RRM2: variants seen among roughly 807,000 people sequenced by gnomAD.
RRM2 encodes the protein ribonucleotide reductase regulatory subunit M2, also known as ribonucleoside-diphosphate reductase subunit M2.
RRM2 carries 6 observed loss-of-function variants against 45.9 expected under a neutral mutation model. The ratio of observed to expected loss-of-function variants is 0.13; its 90% confidence interval spans 0.07 to 0.26. RRM2 has a LOEUF of 0.26. Ranked by LOEUF, RRM2 falls within the 10% of genes least tolerant of loss-of-function variation. The probability of loss-of-function intolerance (pLI) is 1.00; values close to 1 mark genes in which losing one functional copy is unlikely to be tolerated. For synonymous variants in RRM2, 177 were observed against 173.0 expected (o/e 1.02, Z -0.18); for missense variants, 343 against 489.5 (o/e 0.70, Z 2.82).
At chr2:10,203,005 C>T (rs1206604629) in intron 3 of RRM2, among the ~76,000 whole-genome samples, 1 of 152,216 alleles carries the variant, frequency 6.6e-6, no homozygotes, top group African/African-American at 2.4e-5. Context: ...GGAGAAAGAA[C>T]AGTGAGCGTT....
At chr2:10,145,246 G>A (rs1663164826) in intron 3 of RRM2, among the ~76,000 whole-genome samples, 1 of 152,168 alleles carries the variant, frequency 6.6e-6, no homozygotes. Flanking sequence ...GGTTTTTAGT[G>A]CTGTGCTGAG....
chr2:10,203,030 G>A (rs1664595393), intron 3 of RRM2, among the ~76,000 whole-genome samples: 1 of 152,226 alleles, frequency 6.6e-6, no homozygotes, highest in Admixed American at 6.5e-5. Flanking sequence ...CTGCAGCTTG[G>A]CCAAAAGGCC....
intron 3 of RRM2, among the ~76,000 whole-genome samples, chr2:10,206,707 G>C (rs1365350306): frequency 6.6e-6 from 1 of 152,156 alleles, no homozygotes; most frequent in African/African-American, 2.4e-5. Context: ...TCCATATTTA[G>C]ATCCATCAGA....
rs766714820 is a variant in RRM2 at position 10,123,470 on chromosome 2, G to A, written c.258G>A (p.Glu86=). Residue 86 remains glutamate, a synonymous_variant, in exon 3 of 10, where the codon GAG becomes GAA. Transcript: ENST00000304567. ...GCCGCTTTGTCATCTTCCCCATCGAGTACCATGATATCTGGCAGATGTATA... is the reference window on the plus strand; with the variant it reads ...GCCGCTTTGTCATCTTCCCCATCGAATACCATGATATCTGGCAGATGTATA... The part of the protein sequence containing the change: ...NPRRFVIFPI[E]YHDIWQMYKK... 10 of 1,614,194 alleles carry A rather than the reference G, an allele frequency of 6.2e-6. No individual in the cohort carries two copies. Among genetic ancestry groups the A allele is most frequent in the Non-Finnish European group, 8.5e-6 (10 of 1,180,024 alleles).
intron 3 of RRM2, chr2:10,155,075 T>A (rs1040351269): frequency 4.7e-6 from 1 of 210,992 alleles, no homozygotes; most frequent in Admixed American, 6.0e-5. Flanking sequence ...TTCAAGACCA[T>A]GTTGCTTCCA....
rs1558406639 is a variant in RRM2 at position 10,200,466 on chromosome 2, G to GAGGCCCACAGGGACCGCGCA, written n.483-9845_483-9844insAGGCCCACAGGGACCGCGCA. Among the ~76,000 whole-genome samples the GAGGCCCACAGGGACCGCGCA allele has an allele frequency of 9.4e-4, 32 of 33,892 alleles. 9 individuals are homozygous for GAGGCCCACAGGGACCGCGCA. The highest frequency in any genetic ancestry group is 1.7e-3 in the Non-Finnish European group (24 of 13,918). 22.2% of individuals were successfully genotyped at this position (33,892 alleles called of 152,430 possible). On this transcript the variant is annotated intron_variant and non_coding_transcript_variant, in intron 3 of 3. Transcript: ENST00000381786. ...AATATGAGGCCCACAGGGACCGCGC[G>GAGGCCCACAGGGACCGCGCA]CGCAAAATATGAGGCCCACAGGCAC...
chr2:10,196,364 G>T (rs1330136390), intron 3 of RRM2, among the ~76,000 whole-genome samples: 1 of 152,202 alleles, frequency 6.6e-6, no homozygotes, highest in Non-Finnish European at 1.5e-5. Flanking sequence ...GAAAGAGCTG[G>T]GTTTCATCTC....
chr2:10,148,044 T>A (rs992973702), intron 3 of RRM2, among the ~76,000 whole-genome samples: 1 of 149,868 alleles, frequency 6.7e-6, no homozygotes, highest in African/African-American at 2.5e-5. Context: ...CTCCAGAGGC[T>A]GAGGCAGGAG....
intron 3 of RRM2, among the ~76,000 whole-genome samples, chr2:10,191,378 C>T (rs1314840232): frequency 6.6e-6 from 1 of 152,216 alleles, no homozygotes; most frequent in East Asian, 1.9e-4. Flanking sequence ...AAGATCACGT[C>T]TGTGAGAGGT....
downstream of RRM2, among the ~76,000 whole-genome samples, chr2:10,136,332 C>A (rs980544125): frequency 1.3e-5 from 2 of 152,242 alleles, no homozygotes; most frequent in African/African-American, 4.8e-5. Context: ...TAGTCTGGGG[C>A]AGGCTGAGCC....
In RRM2 at chr2:10,200,553, C is replaced by CTG. The variant is rs1357810223; in HGVS notation, n.483-9758_483-9757insTG. Reference sequence around the variant, plus strand: ...GCACAAATTATGAGTCCCACAGGGACCGCGCGCGCAAAATATGAGGCCCAC... The same window carrying CTG: ...GCACAAATTATGAGTCCCACAGGGACTGCGCGCGCGCAAAATATGAGGCCCAC... On this transcript the variant is annotated intron_variant and non_coding_transcript_variant, in intron 3 of 3. Coordinates refer to the RRM2 transcript ENST00000381786. Among the ~76,000 whole-genome samples the CTG allele has an allele frequency of 2.2e-4, 2 of 9,186 alleles. 1 individual carries two copies. The highest frequency in any genetic ancestry group is 7.2e-4 in the Non-Finnish European group (2 of 2,792). The allele number at this position is 9,186 out of a possible 152,430, so 6.0% of individuals were successfully genotyped here. A position where few individuals can be genotyped will look rare whatever the true frequency, so the allele number is the denominator to read the frequency against.
chr2:10,198,789 A>T (rs1202514653), intron 3 of RRM2: 3 of 152,104 alleles, frequency 2.0e-5, no homozygotes, highest in Non-Finnish European at 4.4e-5. Flanking sequence ...GGGTTTAGGG[A>T]GGGAGAGCTT....
chr2:10,200,164 G>A (rs1296735843), intron 3 of RRM2, among the ~76,000 whole-genome samples: 1 of 152,134 alleles, frequency 6.6e-6, no homozygotes, highest in African/African-American at 2.4e-5. Flanking sequence ...GGTGCAGCAA[G>A]AATAATTATT....
chr2:10,124,988 T>G (rs1022663050), intron 5 of RRM2, 138 bp downstream of exon 5: 1 of 723,850 alleles, frequency 1.4e-6, no homozygotes, highest in Admixed American at 2.8e-5. Context: ...CCCGTGGTCA[T>G]GTCTGCTCTT....
intron 3 of RRM2, among the ~76,000 whole-genome samples, chr2:10,193,073 C>T (rs1029681302): frequency 2.0e-5 from 3 of 152,162 alleles, no homozygotes; most frequent in Non-Finnish European, 4.4e-5. Context: ...CTGCAGAGGC[C>T]CTTCCGCTGC....
At chr2:10,156,097 T>C (rs1663418863) in intron 3 of RRM2, 1 of 152,256 alleles carries the variant, frequency 6.6e-6, no homozygotes, top group African/African-American at 2.4e-5. Flanking sequence ...CTTGGAGCTC[T>C]AACTGCTCTC....
At chr2:10,128,153 C>T (rs1444842258) in intron 7 of RRM2, among the ~76,000 whole-genome samples, 1 of 151,946 alleles carries the variant, frequency 6.6e-6, no homozygotes, top group Non-Finnish European at 1.5e-5. Context: ...TGACAGTCCC[C>T]CCGAAAAAGA....
At chr2:10,179,825 C>T (rs1042984519) in intron 3 of RRM2, among the ~76,000 whole-genome samples, 11 of 152,210 alleles carry the variant, frequency 7.2e-5, no homozygotes, top group Non-Finnish European at 1.3e-4. Flanking sequence ...AGCTCAGGGT[C>T]ATAGGTTACT....
At chr2:10,168,507 G>A (rs541825528) in intron 3 of RRM2, among the ~76,000 whole-genome samples, 1 of 152,184 alleles carries the variant, frequency 6.6e-6, no homozygotes, top group South Asian at 2.1e-4. Context: ...TCTGCTTTTA[G>A]TCAGATAAGG....
Sources: gnomAD v4.1 joint callset for allele counts (sites outside exome capture counted in the v4.1 genomes callset) on GRCh38, gnomAD v4.1.1 for gene constraint, MANE v1.5 for transcripts, NCBI Gene and HGNC (gene_info 2026-07-23, HGNC 2026-07-21) for gene names.